The following AFAP1L2 variants were observed in gnomAD, a reference collection of about 807,000 sequenced individuals.
AFAP1L2 encodes actin filament associated protein 1 like 2.
AFAP1L2 carries 46 observed loss-of-function variants against 99.3 expected under a neutral mutation model. That is an observed-to-expected ratio of 0.46 (90% CI 0.37 to 0.59). The LOEUF (loss-of-function observed/expected upper bound fraction) is 0.59. Ranked by LOEUF, AFAP1L2 falls within the 20% of genes least tolerant of loss-of-function variation. AFAP1L2 has a pLI of 0.00. For missense variants in AFAP1L2, 959 were observed against 1,034.9 expected, an observed-to-expected ratio of 0.93 and a Z score of 1.01; for synonymous variants, 397 against 419.1, an observed-to-expected ratio of 0.95 and a Z score of 0.64.
chr10:114,336,316 G>T (rs1483157128), intron 2 of AFAP1L2, among the ~76,000 whole-genome samples: 2 of 152,270 alleles, frequency 1.3e-5, no homozygotes, highest in Non-Finnish European at 2.9e-5. Flanking sequence ...CTGTCTGGGA[G>T]GCGGCAGCCT....
chr10:114,368,824 T>C (rs976632187), intron 1 of AFAP1L2, among the ~76,000 whole-genome samples: 2 of 145,798 alleles, frequency 1.4e-5, no homozygotes, highest in African/African-American at 5.1e-5. Flanking sequence ...ACAGAGTAAC[T>C]AAATGAGATG....
Position 114,300,264 on chromosome 10 carries a change from C to T in AFAP1L2, c.1887G>A (p.Pro629=), listed in dbSNP as rs370275502. The T allele has an allele frequency of 2.1e-5, 34 of 1,614,112 alleles. No individual in the cohort carries two copies. Among genetic ancestry groups the T allele is most frequent in the Middle Eastern group, 1.6e-4 (1 of 6,062 alleles). The change falls in exon 15 of 19, where the codon CCG becomes CCA. Residue 629 remains proline, a synonymous_variant. Coordinates refer to ENST00000304129, the MANE Select transcript of AFAP1L2 (RefSeq NM_001001936.3). The part of the protein sequence containing the change: ...QQRISFPPSC[P]DAVVATPPGA... The stretch of plus-strand genomic sequence containing the variant: ...CAGGTGGGGTGGCCACCACGGCATC[C>T]GGGCAGCTCGGTGGGAAGGAGATTC...
intron 18 of AFAP1L2, 182 bp downstream of exon 18, chr10:114,296,796 G>A: frequency 1.1e-6 from 1 of 939,734 alleles, no homozygotes; most frequent in African/African-American, 1.7e-5. Flanking sequence ...CACCTTTCTG[G>A]TTGGTCAGTG....
chr10:114,295,329 T>C lies in AFAP1L2; in HGVS notation c.*713A>G, dbSNP rs1363098081. 1.0e-6 allele frequency: 1 copy of C among 985,268 alleles called. No individual in the cohort carries two copies. Among genetic ancestry groups the C allele is most frequent in the Non-Finnish European group, 1.2e-6 (1 of 829,460 alleles). The allele number at this position is 985,268 out of a possible 1,614,324, so 61.0% of individuals were successfully genotyped here. ...AGGATTTTAAGCATTTTTTCCTATA[T>C]ATAATACAGCATCACTTAAAATTTT... On this transcript the variant is annotated 3_prime_UTR_variant, in exon 19 of 19. Transcript: ENST00000304129.
intron 1 of AFAP1L2, among the ~76,000 whole-genome samples, chr10:114,356,198 C>T (rs2051353344): frequency 6.6e-6 from 1 of 152,096 alleles, no homozygotes; most frequent in Non-Finnish European, 1.5e-5. Context: ...GCATATTCCC[C>T]CAGCAGAGTC....
chr10:114,375,035 CAG>C (rs2054618354), intron 1 of AFAP1L2, among the ~76,000 whole-genome samples: 1 of 152,180 alleles, frequency 6.6e-6, no homozygotes, highest in Non-Finnish European at 1.5e-5. Flanking sequence ...TCCTCTAGAA[CAG>C]GGGTCAGTGA....
At chr10:114,300,160 A>G in intron 15 of AFAP1L2, 34 bp downstream of exon 15, 2 of 1,613,898 alleles carry the variant, frequency 1.2e-6, no homozygotes, top group Non-Finnish European at 1.7e-6. Context: ...ACTAATACAG[A>G]TGGAATCGGG....
rs373134200 is a variant in AFAP1L2, at chr10:114,307,868, T to C, written c.1009A>G (p.Met337Val). Residue 337 changes from methionine (M) to valine (V), a missense_variant, in exon 10 of 19, where the codon ATG becomes GTG. This residue lies in a region of AFAP1L2 where 383 missense variants were observed against 472.8 expected (regional missense o/e 0.81). Coordinates refer to ENST00000304129, the MANE Select transcript of AFAP1L2 (RefSeq NM_001001936.3). ...CSAGLKLSNL[M>V]NLGRKKSTSL... ...GTGGATTTCTTCCTGCCCAGATTCATTAGGTTGCTCAGTTTGAGGCCAGCA... is the reference window on the plus strand; with the variant it reads ...GTGGATTTCTTCCTGCCCAGATTCACTAGGTTGCTCAGTTTGAGGCCAGCA... 1.2e-5 allele frequency: 20 copies of C among 1,614,024 alleles called. No homozygotes were observed. Among genetic ancestry groups the C allele is most frequent in the Non-Finnish European group, 1.5e-5 (18 of 1,180,022 alleles).
intron 7 of AFAP1L2, among the ~76,000 whole-genome samples, chr10:114,312,110 C>T (rs1381344675): frequency 1.3e-5 from 2 of 152,070 alleles, no homozygotes; most frequent in African/African-American, 4.8e-5. Context: ...CCAGCAGAGG[C>T]TATGGGGCCA....
chr10:114,405,022 C>A (rs991064063), upstream of AFAP1L2, among the ~76,000 whole-genome samples: 2 of 152,202 alleles, frequency 1.3e-5, no homozygotes, highest in Admixed American at 1.3e-4. Context: ...GGCAGCGGGG[C>A]GGGCAACCAA....
At chr10:114,360,489 ATAGATAGATAGATAGATAGT>A (rs1479398483) in intron 1 of AFAP1L2, among the ~76,000 whole-genome samples, 90 of 108,000 alleles carry the variant, frequency 8.3e-4, no homozygotes, top group Admixed American at 2.2e-3. Flanking sequence ...CAATATCTAG[ATAGATAGATAGATAGATAGT>A]TAGATAGATA....
At chr10:114,337,765 G>A (rs1459192932) in intron 2 of AFAP1L2, among the ~76,000 whole-genome samples, 2 of 152,350 alleles carry the variant, frequency 1.3e-5, no homozygotes, top group South Asian at 4.1e-4. Flanking sequence ...CAAACAGGTG[G>A]TTTCCAGTTC....
intron 4 of AFAP1L2, among the ~76,000 whole-genome samples, chr10:114,323,717 A>T (rs2045758059): frequency 1.3e-5 from 2 of 152,252 alleles, no homozygotes; most frequent in South Asian, 4.1e-4. Flanking sequence ...TTACCATAAT[A>T]TAGTTCAATC....
chr10:114,328,653 G>T (rs979628068), intron 4 of AFAP1L2, among the ~76,000 whole-genome samples: 1 of 152,206 alleles, frequency 6.6e-6, no homozygotes, highest in Non-Finnish European at 1.5e-5. Flanking sequence ...TGGCCATGGG[G>T]TTCCAGCGGC....
chr10:114,384,250 G>A (rs1018505176), intron 1 of AFAP1L2, among the ~76,000 whole-genome samples: 12 of 152,136 alleles, frequency 7.9e-5, no homozygotes, highest in Non-Finnish European at 1.0e-4. Context: ...CCTTGCCTCC[G>A]CCTCTGTCTT....
chr10:114,388,286 A>AAC (rs57067006), intron 1 of AFAP1L2, among the ~76,000 whole-genome samples: 3,540 of 150,182 alleles, frequency 0.024, 129 homozygotes, highest in African/African-American at 0.08. Context: ...AGCCCTCATG[A>AAC]ACACACACAC....
At chr10:114,328,032 G>A (rs550035044) in intron 4 of AFAP1L2, among the ~76,000 whole-genome samples, 65 of 152,356 alleles carry the variant, frequency 4.3e-4, no homozygotes, top group Non-Finnish European at 7.3e-4. Context: ...GAGGGACGAT[G>A]GGGTGGAGAT....
chr10:114,367,739 G>C (rs941841679), intron 1 of AFAP1L2, among the ~76,000 whole-genome samples: 1 of 152,182 alleles, frequency 6.6e-6, no homozygotes, highest in South Asian at 2.1e-4. Context: ...ACGGGCAGAG[G>C]GGGTGGAAGA....
At chr10:114,363,139 G>A in intron 1 of AFAP1L2, 1 of 985,406 alleles carries the variant, frequency 1.0e-6, no homozygotes, top group African/African-American at 1.7e-5. Flanking sequence ...AGCAGGTTCT[G>A]AACACATAAG....
Sources: gnomAD v4.1 joint callset for allele counts (sites outside exome capture counted in the v4.1 genomes callset) on GRCh38, gnomAD v4.1.1 for gene constraint, gnomAD v4.1.1 regional missense constraint, MANE v1.5 for transcripts, NCBI Gene and HGNC (gene_info 2026-07-23, HGNC 2026-07-21) for gene names.